The following CACYBP variants were observed in gnomAD, a reference collection of about 807,000 sequenced individuals.
The protein encoded by CACYBP is calcyclin binding protein.
A neutral mutation model predicts 29.6 loss-of-function variants in CACYBP; 11 were observed. The ratio of observed to expected loss-of-function variants is 0.37; its 90% confidence interval spans 0.23 to 0.61. The LOEUF is 0.61. Ranked by LOEUF, CACYBP falls within the 20% of genes least tolerant of loss-of-function variation. CACYBP has a pLI of 0.65. For missense variants in CACYBP, 163 were observed against 260.7 expected, an observed-to-expected ratio of 0.63 and a Z score of 2.58; for synonymous variants, 73 against 88.3, an observed-to-expected ratio of 0.83 and a Z score of 0.97.
intron 4 of CACYBP, 48 bp downstream of exon 4, chr1:175,007,245 G>T: frequency 9.0e-7 from 1 of 1,113,052 alleles, no homozygotes; most frequent in South Asian, 1.3e-5. Context: ...TTACCAAATT[G>T]AACCTGGCTG....
At chr1:175,008,475 C>T (rs1672670704) in intron 4 of CACYBP, 134 bp from the exon 5 acceptor site, 3 of 549,774 alleles carry the variant, frequency 5.5e-6, no homozygotes, top group Middle Eastern at 4.9e-4. Flanking sequence ...CCTATTCATA[C>T]AAGTATTACT....
In CACYBP at chr1:175,011,321, A is replaced by C. The variant is rs1672750697; in HGVS notation, c.*1242A>C. Reference sequence around the variant, plus strand: ...ATGAACAGAATAGCAGACACAATGCATATGAAAGTTACAGAATATGGTAAA... The same window carrying C: ...ATGAACAGAATAGCAGACACAATGCCTATGAAAGTTACAGAATATGGTAAA... On this transcript the variant is annotated 3_prime_UTR_variant, in exon 6 of 6. Transcript: ENST00000367679. 6.6e-6 allele frequency: 1 copy of C among 152,202 alleles called. No homozygotes were observed. The highest frequency in any genetic ancestry group is 1.5e-5 in the Non-Finnish European group (1 of 68,038). 9.4% of individuals were successfully genotyped at this position (152,202 alleles called of 1,614,324 possible).
chr1:175,008,587 T>G, intron 4 of CACYBP, 22 bp from the exon 5 acceptor site: 1 of 1,079,868 alleles, frequency 9.3e-7, no homozygotes, highest in Non-Finnish European at 1.4e-6. Flanking sequence ...AAGCTGTATT[T>G]GTTTTCCTGC....
intron 2 of CACYBP, 98 bp downstream of exon 2, chr1:175,004,931 T>G: frequency 1.2e-6 from 1 of 844,984 alleles, no homozygotes; most frequent in Non-Finnish European, 2.1e-6. Flanking sequence ...AGTCTGTGTT[T>G]TTGGTGGTTT....
At chr1:175,006,950 T>C (rs1574109955) in intron 3 of CACYBP, 109 bp downstream of exon 3, 1 of 847,282 alleles carries the variant, frequency 1.2e-6, no homozygotes, top group Non-Finnish European at 1.9e-6. Flanking sequence ...GAATTAATTA[T>C]CCTTTACAAC....
intron 1 of CACYBP, 178 bp downstream of exon 1, chr1:175,000,373 C>T (rs966256420): frequency 2.8e-6 from 4 of 1,424,704 alleles, no homozygotes; most frequent in Non-Finnish European, 3.7e-6. Context: ...GTCGGCTCCC[C>T]AGCGCTTCCA....
intron 1 of CACYBP, among the ~76,000 whole-genome samples, chr1:175,003,482 A>AC (rs1288930652): frequency 6.6e-6 from 1 of 152,230 alleles, no homozygotes; most frequent in African/African-American, 2.4e-5. Flanking sequence ...ATCTGAGTTA[A>AC]ATGAGATAAC....
Position 175,000,612 on chromosome 1 carries a change from T to G in CACYBP, c.15+417T>G. 5 of 1,066,602 alleles carry G rather than the reference T, an allele frequency of 4.7e-6. No homozygotes were observed. The South Asian group carries it at 1.4e-4, about 30-fold the overall frequency. The allele number at this position is 1,066,602 out of a possible 1,614,324, so 66.1% of individuals were successfully genotyped here. A position where few individuals can be genotyped will look rare whatever the true frequency, so the allele number is the denominator to read the frequency against. ...GGGCGGTTGGAAGGTGAGTTCTCAG[T>G]GCTAGCACTTGAATTCTCCTAGTCA... On this transcript the variant is annotated intron_variant, in intron 1 of 5. Coordinates refer to ENST00000367679, the MANE Select transcript of CACYBP (RefSeq NM_014412.3).
chr1:175,011,026 C>G lies in CACYBP; in HGVS notation c.*947C>G, dbSNP rs1672737337. The G allele has an allele frequency of 6.6e-6, 1 of 151,018 alleles. No homozygotes were observed. Among genetic ancestry groups the G allele is most frequent in the African/African-American group, 2.4e-5 (1 of 40,836 alleles). 9.4% of individuals were successfully genotyped at this position (151,018 alleles called of 1,614,324 possible). A position where few individuals can be genotyped will look rare whatever the true frequency, so the allele number is the denominator to read the frequency against. On this transcript the variant is annotated 3_prime_UTR_variant, in exon 6 of 6. Transcript: ENST00000367679. Reference sequence around the variant, plus strand: ...TACTAAGGCTGGAGGATCACTTCAGCCCAGGAGTTTAAGGCTGCAGTGAGC... The same window carrying G: ...TACTAAGGCTGGAGGATCACTTCAGGCCAGGAGTTTAAGGCTGCAGTGAGC...
intron 3 of CACYBP, 44 bp downstream of exon 3, chr1:175,006,885 A>T: frequency 9.3e-7 from 1 of 1,079,264 alleles, no homozygotes; most frequent in Non-Finnish European, 1.4e-6. Context: ...TTAACAGTCA[A>T]CATTGCCTTA....
chr1:175,011,115 A>G lies in CACYBP; in HGVS notation c.*1036A>G, dbSNP rs1308829294. 1 of 95,792 alleles carries G rather than the reference A, an allele frequency of 1.0e-5. No individual in the cohort carries two copies. The highest frequency in any genetic ancestry group is 1.2e-4 in the Admixed American group (1 of 8,694). 5.9% of individuals were successfully genotyped at this position (95,792 alleles called of 1,614,324 possible). A position where few individuals can be genotyped will look rare whatever the true frequency, so the allele number is the denominator to read the frequency against. ...TGAGAACCTGTCTCATTAAAAAAAA[A>G]AAAAAAAAAAAAGCCGTTAGACACA... On this transcript the variant is annotated 3_prime_UTR_variant, in exon 6 of 6. Coordinates refer to ENST00000367679, the MANE Select transcript of CACYBP (RefSeq NM_014412.3).
chr1:175,001,257 T>C (rs541205483), intron 1 of CACYBP, among the ~76,000 whole-genome samples: 5 of 152,304 alleles, frequency 3.3e-5, no homozygotes, highest in Admixed American at 6.5e-5. Flanking sequence ...CTCTTGAAAG[T>C]AGAGATCGTT....
intron 1 of CACYBP, 59 bp from the exon 2 acceptor site, chr1:175,004,555 C>A: frequency 2.0e-6 from 2 of 1,020,626 alleles, no homozygotes; most frequent in Non-Finnish European, 2.9e-6. Context: ...GAGTGATACG[C>A]ACAATATCAA....
At position 175,000,012 on chromosome 1, in the gene CACYBP, G is replaced by T. The variant is rs115063638; in HGVS notation, c.-169G>T. 1.4e-3 allele frequency: 1,317 copies of T among 948,842 alleles called. 14 individuals are homozygous for T. In the African/African-American group the frequency reaches 0.02, roughly 14 times the overall value. The allele number at this position is 948,842 out of a possible 1,614,324, so 58.8% of individuals were successfully genotyped here. A position where few individuals can be genotyped will look rare whatever the true frequency, so the allele number is the denominator to read the frequency against. On this transcript the variant is annotated 5_prime_UTR_variant, in exon 1 of 6. Transcript: ENST00000367679. ...GCCTCGCGAAGGTTCGAGATCCGTC[G>T]CGTGCGGGAGGCGGGCCGCGATCTT...
At chr1:175,002,189 T>TA (rs1214685683) in intron 1 of CACYBP, among the ~76,000 whole-genome samples, 16 of 152,252 alleles carry the variant, frequency 1.1e-4, no homozygotes, top group Non-Finnish European at 2.1e-4. Context: ...GAGAAACTGT[T>TA]AGACTGTTTC....
chr1:175,000,419 G>T, intron 1 of CACYBP: 1 of 1,399,078 alleles, frequency 7.1e-7, no homozygotes. Flanking sequence ...CTGGGCTCGA[G>T]CGGGGGTGTG....
chr1:175,004,991 A>G, intron 2 of CACYBP, 158 bp downstream of exon 2: 2 of 681,304 alleles, frequency 2.9e-6, no homozygotes, highest in Non-Finnish European at 5.4e-6. Context: ...TAAGATATAA[A>G]TAGGAAAGGA....
intron 1 of CACYBP, among the ~76,000 whole-genome samples, chr1:175,003,548 A>G (rs528435698): frequency 3.3e-5 from 5 of 152,348 alleles, no homozygotes; most frequent in South Asian, 2.1e-4. Flanking sequence ...TTATAAGACT[A>G]TTAAGAAACA....
At chr1:174,999,780 G>T (rs1279036605), upstream of CACYBP, 1 of 328,238 alleles carries the variant, frequency 3.0e-6, no homozygotes, top group African/African-American at 2.3e-5. Flanking sequence ...ATACATAAAA[G>T]TTGTCAGGGC....
Sources: gnomAD v4.1 joint callset for allele counts (sites outside exome capture counted in the v4.1 genomes callset) on GRCh38, gnomAD v4.1.1 for gene constraint, MANE v1.5 for transcripts, NCBI Gene and HGNC (gene_info 2026-07-23, HGNC 2026-07-21) for gene names.